The following GRID1 variants were observed in gnomAD, a reference collection of about 807,000 sequenced individuals.
The protein encoded by GRID1 is glutamate receptor ionotropic, delta-1.
A neutral mutation model predicts 98.0 loss-of-function variants in GRID1; 28 were observed. The observed-to-expected ratio is 0.29, with a 90% CI of 0.21 to 0.39. GRID1 has a LOEUF of 0.39. GRID1 is among the 10% of genes least tolerant of loss of function. The pLI is 1.00. For missense variants in GRID1, 1,111 were observed against 1,340.5 expected (o/e 0.83, Z 2.67); for synonymous variants, 553 against 538.5 (o/e 1.03, Z -0.37).
At chr10:86,215,372 C>T (rs539497390) in intron 2 of GRID1, among the ~76,000 whole-genome samples, 1 of 152,330 alleles carries the variant, frequency 6.6e-6, no homozygotes, top group Admixed American at 6.5e-5. Context: ...GGGCCTCATT[C>T]CTCTAACAAT....
At chr10:85,961,330 G>A (rs1326084908) in intron 4 of GRID1, among the ~76,000 whole-genome samples, 1 of 151,910 alleles carries the variant, frequency 6.6e-6, no homozygotes, top group African/African-American at 2.4e-5. Flanking sequence ...CAAGTCTCCC[G>A]CATCTGTCAG....
chr10:86,076,694 C>T (rs898340479), intron 4 of GRID1, among the ~76,000 whole-genome samples: 2 of 152,148 alleles, frequency 1.3e-5, no homozygotes, highest in Admixed American at 6.5e-5. Context: ...CCATTCAGTC[C>T]TTCAACTGAT....
At chr10:85,767,103 CAG>C (rs1590222311) in intron 8 of GRID1, among the ~76,000 whole-genome samples, 1 of 152,234 alleles carries the variant, frequency 6.6e-6, no homozygotes, top group East Asian at 1.9e-4. Flanking sequence ...GCGCATTTGG[CAG>C]AGTTATTCCC....
At chr10:85,632,681 C>T (rs758415907) in intron 13 of GRID1, among the ~76,000 whole-genome samples, 4 of 151,968 alleles carry the variant, frequency 2.6e-5, no homozygotes, top group Non-Finnish European at 5.9e-5. Context: ...GTAGCTGGGA[C>T]TACAGACATG....
intron 8 of GRID1, among the ~76,000 whole-genome samples, chr10:85,802,823 C>T (rs1842588712): frequency 6.9e-6 from 1 of 144,536 alleles, no homozygotes; most frequent in Non-Finnish European, 1.5e-5. Flanking sequence ...GAACTCCAAG[C>T]ATCCAAGCAG....
chr10:85,990,142 A>T (rs1842662623), intron 4 of GRID1, among the ~76,000 whole-genome samples: 1 of 152,176 alleles, frequency 6.6e-6, no homozygotes, highest in Admixed American at 6.5e-5. Context: ...AACAAACAAG[A>T]CACCTTTGCA....
chr10:86,071,721 C>A (rs1326180317), intron 4 of GRID1, among the ~76,000 whole-genome samples: 2 of 152,094 alleles, frequency 1.3e-5, no homozygotes, highest in African/African-American at 2.4e-5. Flanking sequence ...GGAGGTGGGG[C>A]AAGTGCAGCC....
intron 2 of GRID1, among the ~76,000 whole-genome samples, chr10:86,232,034 T>C (rs938073382): frequency 6.6e-6 from 1 of 152,144 alleles, no homozygotes; most frequent in Non-Finnish European, 1.5e-5. Context: ...TGGGGTACCC[T>C]CTTCTCACTG....
chr10:85,705,986 C>A (rs1161032094), intron 12 of GRID1, among the ~76,000 whole-genome samples: 1 of 152,136 alleles, frequency 6.6e-6, no homozygotes, highest in Non-Finnish European at 1.5e-5. Context: ...CTATTTATGA[C>A]AAACCCACAG....
intron 8 of GRID1, among the ~76,000 whole-genome samples, chr10:85,772,897 G>A (rs10788466): frequency 0.65 from 98,715 of 151,882 alleles, 32,356 homozygotes; most frequent in East Asian, 0.87. Flanking sequence ...CACAGGTACA[G>A]GGAGGAACTG....
At chr10:86,152,811 G>A (rs892964599) in intron 3 of GRID1, among the ~76,000 whole-genome samples, 17 of 152,222 alleles carry the variant, frequency 1.1e-4, no homozygotes, top group Non-Finnish European at 5.9e-5. Flanking sequence ...CCTCTCCAGT[G>A]CGGCTGCCAC....
At chr10:85,801,064 A>G (rs1364984233) in intron 8 of GRID1, among the ~76,000 whole-genome samples, 1 of 152,102 alleles carries the variant, frequency 6.6e-6, no homozygotes, top group Non-Finnish European at 1.5e-5. Flanking sequence ...CAATATTATG[A>G]TTTAAAAAGT....
intron 12 of GRID1, among the ~76,000 whole-genome samples, chr10:85,711,581 T>C (rs1284746769): frequency 6.6e-6 from 1 of 151,894 alleles, no homozygotes; most frequent in Admixed American, 6.6e-5. Flanking sequence ...ATATACTTAG[T>C]GCCACTAAAC....
At chr10:85,868,458 C>A (rs1843243981) in intron 6 of GRID1, among the ~76,000 whole-genome samples, 1 of 152,184 alleles carries the variant, frequency 6.6e-6, no homozygotes, top group African/African-American at 2.4e-5. Flanking sequence ...ACACTTGGTA[C>A]CTCTGGGCCT....
At chr10:85,609,669 C>G (rs943570824) in intron 15 of GRID1, among the ~76,000 whole-genome samples, 1 of 152,208 alleles carries the variant, frequency 6.6e-6, no homozygotes, top group Non-Finnish European at 1.5e-5. Flanking sequence ...ACCCTGGCCT[C>G]AGCCAGCTCC....
At chr10:85,695,224 T>G (rs1337633672) in intron 12 of GRID1, among the ~76,000 whole-genome samples, 1 of 152,164 alleles carries the variant, frequency 6.6e-6, no homozygotes, top group Non-Finnish European at 1.5e-5. Flanking sequence ...TGCTGTCTCT[T>G]GCCTTCCTTA....
intron 8 of GRID1, among the ~76,000 whole-genome samples, chr10:85,735,797 G>T (rs1316146927): frequency 6.6e-6 from 1 of 151,418 alleles, no homozygotes; most frequent in Non-Finnish European, 1.5e-5. Flanking sequence ...AGAGAGGAAG[G>T]GAGGAAGGAA....
intron 4 of GRID1, among the ~76,000 whole-genome samples, chr10:86,065,479 T>A (rs1489436042): frequency 1.3e-5 from 2 of 152,226 alleles, no homozygotes; most frequent in African/African-American, 4.8e-5. Context: ...CTGGGCCAGC[T>A]CCCAGCCACA....
At chr10:86,249,996 GATGGGTGGGTGGAAGGATGGATGA>G (rs1238357649) in intron 2 of GRID1, among the ~76,000 whole-genome samples, 5 of 152,164 alleles carry the variant, frequency 3.3e-5, no homozygotes, top group African/African-American at 4.8e-5. Flanking sequence ...TGCATGGATG[GATGGGTGGGTGGAAGGATGGATGA>G]ATGGGTGGGT....
Sources: allele counts gnomAD v4.1 joint callset (sites outside exome capture counted in the v4.1 genomes callset), GRCh38; gene constraint gnomAD v4.1.1; transcripts MANE v1.5; gene names NCBI Gene and HGNC (gene_info 2026-07-23, HGNC 2026-07-21).